Variants in CCM2L observed in about 807,000 individuals in gnomAD.
CCM2L encodes CCM2 like scaffold protein.
Under a neutral mutation model 54.1 loss-of-function variants are expected in CCM2L, and 36 were observed. The observed-to-expected ratio is 0.67, with a 90% CI of 0.51 to 0.88. The LOEUF (loss-of-function observed/expected upper bound fraction) is 0.88. CCM2L is among the 40% of genes least tolerant of loss of function. The pLI is 0.00. For synonymous variants in CCM2L, 351 were observed against 359.3 expected, an observed-to-expected ratio of 0.98 and a Z score of 0.26; for missense variants, 700 against 812.1, an observed-to-expected ratio of 0.86 and a Z score of 1.68.
chr20:32,013,325 A>G (rs1377827903), intron 1 of CCM2L, among the ~76,000 whole-genome samples: 4 of 152,198 alleles, frequency 2.6e-5, no homozygotes, highest in Non-Finnish European at 5.9e-5. Flanking sequence ...AAAAAATTTT[A>G]TGCCTGGGTC....
rs1192743312 is a variant in CCM2L, at chr20:32,031,095, C to T, written c.1497C>T (p.Ser499=). 2 of 1,304,284 alleles carry T rather than the reference C, an allele frequency of 1.5e-6. No homozygotes were observed. The highest frequency in any genetic ancestry group is 4.6e-5 in the Admixed American group (2 of 43,576). 80.8% of individuals were successfully genotyped at this position (1,304,284 alleles called of 1,614,324 possible). Residue 499 remains serine (S), a synonymous_variant, in exon 10 of 10, where the codon AGC becomes AGT. Coordinates refer to ENST00000452892, the MANE Select transcript of CCM2L (RefSeq NM_001365692.1). The stretch of plus-strand genomic sequence containing the variant: ...GCGAGGGCGGCATCCTCACTGACAG[C>T]TTCGGCCGCATCAAGCGCAGCATGA... ...GIREGGILTD[S]FGRIKRSMSS...
intron 3 of CCM2L, 43 bp downstream of exon 3, chr20:32,017,926 C>T: frequency 1.2e-6 from 2 of 1,613,380 alleles, no homozygotes; most frequent in Non-Finnish European, 1.7e-6. Flanking sequence ...TCGCTCCCTT[C>T]TCCCTCTTCT....
In CCM2L at chr20:32,031,980, G is replaced by T. The variant is rs2064935414; in HGVS notation, c.*666G>T. The T allele has an allele frequency of 6.6e-6, 1 of 152,066 alleles. No homozygotes were observed. The highest frequency in any genetic ancestry group is 2.1e-4 in the South Asian group (1 of 4,826). 9.4% of individuals were successfully genotyped at this position (152,066 alleles called of 1,614,324 possible). On this transcript the variant is annotated 3_prime_UTR_variant, in exon 10 of 10. Transcript: ENST00000452892. ...TCTGGTCTTAAGACCCCAAACAAGGGTTTTTTCAGCTCCAGGATCTGGAGC... is the reference window on the plus strand; with the variant it reads ...TCTGGTCTTAAGACCCCAAACAAGGTTTTTTTCAGCTCCAGGATCTGGAGC...
At position 32,019,392 on chromosome 20, in the gene CCM2L, C is replaced by T. The variant is rs780069324; in HGVS notation, c.916C>T (p.Leu306=). ...CGACGCCTACTGCAACCTGGTCATCCTGGCTGTAGCCAACAGGGTGAGCCC... is the reference window on the plus strand; with the variant it reads ...CGACGCCTACTGCAACCTGGTCATCTTGGCTGTAGCCAACAGGGTGAGCCC... ...SPDAYCNLVI[L]AVANRDAAEE... is the part of the protein sequence containing the mutation. The change falls in exon 5 of 10, where the codon CTG becomes TTG. Residue 306 remains leucine, a synonymous_variant. Coordinates refer to ENST00000452892, the MANE Select transcript of CCM2L (RefSeq NM_001365692.1). 2.0e-6 allele frequency: 3 copies of T among 1,531,088 alleles called. No homozygotes were observed. Among genetic ancestry groups the T allele is most frequent in the Non-Finnish European group, 2.6e-6 (3 of 1,147,602 alleles). 94.8% of individuals were successfully genotyped at this position (1,531,088 alleles called of 1,614,324 possible).
chr20:32,029,940 G>A, intron 9 of CCM2L, 102 bp downstream of exon 9: 1 of 1,335,610 alleles, frequency 7.5e-7, no homozygotes, highest in Non-Finnish European at 9.8e-7. Context: ...TTATCTTTCA[G>A]CCTCTGATGA....
Position 32,017,787 on chromosome 20 carries a change from G to A in CCM2L, c.199-13G>A, listed in dbSNP as rs771727105. The A allele has an allele frequency of 5.0e-6, 8 of 1,613,152 alleles. No homozygotes were observed. The South Asian group carries it at 5.5e-5, about 11-fold the overall frequency. On this transcript the variant is annotated splice_polypyrimidine_tract_variant and intron_variant, in intron 2 of 9. Transcript: ENST00000452892. Reference sequence around the variant, plus strand: ...CATCTCTGTGTCCTTCTCTCACCCCGATTTCCATCCAGTTCCTGGGCCACC... The same window carrying A: ...CATCTCTGTGTCCTTCTCTCACCCCAATTTCCATCCAGTTCCTGGGCCACC...
intron 1 of CCM2L, 75 bp downstream of exon 1, chr20:32,010,559 G>GT: frequency 9.5e-7 from 1 of 1,056,182 alleles, no homozygotes; most frequent in South Asian, 1.4e-5. Flanking sequence ...CTGGGGCGGG[G>GT]TGGGGGGTCG....
At chr20:32,011,921 A>G (rs2064698558) in intron 1 of CCM2L, among the ~76,000 whole-genome samples, 1 of 151,692 alleles carries the variant, frequency 6.6e-6, no homozygotes, top group Non-Finnish European at 1.5e-5. Flanking sequence ...ATACACACAC[A>G]TACGCAAGAC....
intron 6 of CCM2L, among the ~76,000 whole-genome samples, chr20:32,025,324 A>G (rs2064848445): frequency 1.4e-5 from 2 of 146,668 alleles, no homozygotes; most frequent in African/African-American, 5.1e-5. Flanking sequence ...CCTGGACTGT[A>G]GTGGTACAAT....
In CCM2L at chr20:32,028,989, C is replaced by CT; in HGVS notation, c.1134-5dup. 6.2e-7 allele frequency: 1 copy of CT among 1,614,054 alleles called. No individual in the cohort carries two copies. The highest frequency in any genetic ancestry group is 1.3e-5 in the African/African-American group (1 of 75,048). The stretch of plus-strand genomic sequence containing the variant: ...CGAGTGAAGGCCCTTCTTCCCGTGC[C>CT]TGCAGTAATGGCTCCCAGGACACCT... On this transcript the variant is annotated splice_region_variant and splice_polypyrimidine_tract_variant and intron_variant, in intron 7 of 9. Coordinates refer to ENST00000452892, the MANE Select transcript of CCM2L (RefSeq NM_001365692.1).
chr20:32,017,817 C>A lies in CCM2L; in HGVS notation c.216C>A (p.Thr72=). ...EKEVKFLGHL[T]WVTSSLNPSS... ...CCATCCAGTTCCTGGGCCACCTTAC[C>A]TGGGTGACTTCCTCACTGAACCCCT... Residue 72 remains threonine (T), a synonymous_variant, in exon 3 of 10, where the codon ACC becomes ACA. Coordinates refer to ENST00000452892, the MANE Select transcript of CCM2L (RefSeq NM_001365692.1). The A allele has an allele frequency of 6.2e-7, 1 of 1,614,128 alleles. No homozygotes were observed. The highest frequency in any genetic ancestry group is 1.3e-5 in the African/African-American group (1 of 75,022).
Position 32,031,324 on chromosome 20 carries a change from C to T in CCM2L, c.*10C>T, listed in dbSNP as rs2064925207. 8 of 1,260,934 alleles carry T rather than the reference C, an allele frequency of 6.3e-6. No homozygotes were observed. Among genetic ancestry groups the T allele is most frequent in the Non-Finnish European group, 7.2e-6 (7 of 974,956 alleles). 78.1% of individuals were successfully genotyped at this position (1,260,934 alleles called of 1,614,324 possible). On this transcript the variant is annotated 3_prime_UTR_variant, in exon 10 of 10. Coordinates refer to ENST00000452892, the MANE Select transcript of CCM2L (RefSeq NM_001365692.1). The stretch of plus-strand genomic sequence containing the variant: ...AGACAACTACCTGTAGCCACCGCCC[C>T]TGCGGACGGCGTGGCTCAGCAGCCC...
At chr20:32,024,930 T>A (rs2064839956) in intron 6 of CCM2L, among the ~76,000 whole-genome samples, 1 of 152,346 alleles carries the variant, frequency 6.6e-6, no homozygotes, top group South Asian at 2.1e-4. Flanking sequence ...TCAGAAATGG[T>A]AGGGCTAATA....
At chr20:32,023,493 G>A (rs1294398537) in intron 6 of CCM2L, among the ~76,000 whole-genome samples, 2 of 152,206 alleles carry the variant, frequency 1.3e-5, no homozygotes, top group Non-Finnish European at 2.9e-5. Context: ...ATGCACTCAA[G>A]GACTAGAAGG....
intron 7 of CCM2L, among the ~76,000 whole-genome samples, chr20:32,027,101 G>A (rs1211770870): frequency 6.6e-6 from 1 of 152,218 alleles, no homozygotes; most frequent in Non-Finnish European, 1.5e-5. Context: ...TGTTTAGGGT[G>A]ACCAGCCATC....
intron 5 of CCM2L, among the ~76,000 whole-genome samples, chr20:32,020,578 A>G (rs2064795593): frequency 6.6e-6 from 1 of 152,144 alleles, no homozygotes. Flanking sequence ...CCCTGTCACA[A>G]TTAATAGCAG....
rs1344632964 is a variant in CCM2L, at chr20:32,031,041, C to G, written c.1443C>G (p.Phe481Leu). 6 of 1,304,142 alleles carry G rather than the reference C, an allele frequency of 4.6e-6. No homozygotes were observed. Among genetic ancestry groups the G allele is most frequent in the Non-Finnish European group, 6.1e-6 (6 of 988,958 alleles). 80.8% of individuals were successfully genotyped at this position (1,304,142 alleles called of 1,614,324 possible). A position where few individuals can be genotyped will look rare whatever the true frequency, so the allele number is the denominator to read the frequency against. The change falls in exon 10 of 10, where the codon TTC becomes TTG. Residue 481 changes from phenylalanine (F) to leucine (L), a missense_variant. Coordinates refer to ENST00000452892, the MANE Select transcript of CCM2L (RefSeq NM_001365692.1). ...TCCCGGACCAGGACATCGGCTACTT[C>G]GAGGGCTTCCTGGAGGGCGTGGGCA... ...PFIPDQDIGYFEGFLEGVGIR... is the reference protein window; with the variant it reads ...PFIPDQDIGYLEGFLEGVGIR...
intron 8 of CCM2L, 172 bp downstream of exon 8, chr20:32,029,296 T>G: frequency 1.2e-6 from 1 of 812,782 alleles, no homozygotes; most frequent in South Asian, 1.8e-5. Context: ...AGGCCTTAAC[T>G]AATGTCAGCT....
At chr20:32,015,859 C>CTTTTTTTTT (rs199989562) in intron 2 of CCM2L, among the ~76,000 whole-genome samples, 17,427 of 126,086 alleles carry the variant, frequency 0.14, 1,600 homozygotes, top group Middle Eastern at 0.17. Flanking sequence ...AGCTGTACTT[C>CTTTTTTTTT]TTTTTTTTTT....
Sources: allele counts gnomAD v4.1 joint callset (sites outside exome capture counted in the v4.1 genomes callset), GRCh38; gene constraint gnomAD v4.1.1; transcripts MANE v1.5; gene names NCBI Gene and HGNC (gene_info 2026-07-23, HGNC 2026-07-21).